Variants in MEF2A observed in about 807,000 individuals in gnomAD.
The protein encoded by MEF2A is myocyte-specific enhancer factor 2A.
Under a neutral mutation model 55.8 loss-of-function variants are expected in MEF2A, and 28 were observed. The observed-to-expected ratio is 0.50, with a 90% CI of 0.37 to 0.69. The LOEUF (loss-of-function observed/expected upper bound fraction) is 0.69. MEF2A is among the 30% of genes least tolerant of loss of function. The probability of loss-of-function intolerance (pLI) is 0.00; values close to 1 mark genes in which losing one functional copy is unlikely to be tolerated. For missense variants in MEF2A, 528 were observed against 626.2 expected (o/e 0.84, Z 1.67); for synonymous variants, 239 against 227.1 (o/e 1.05, Z -0.47).
chr15:99,577,181 A>C (rs1393880704), intron 1 of MEF2A, among the ~76,000 whole-genome samples: 3 of 152,224 alleles, frequency 2.0e-5, no homozygotes, highest in Non-Finnish European at 2.9e-5. Context: ...TTGTTTATGA[A>C]AGTGAAATTA....
intron 10 of MEF2A, among the ~76,000 whole-genome samples, chr15:99,707,609 A>G (rs1202971662): frequency 6.6e-6 from 1 of 152,152 alleles, no homozygotes; most frequent in Non-Finnish European, 1.5e-5. Context: ...TTACCAATCT[A>G]AGAAGGAGTG....
At chr15:99,596,162 A>G (rs1363413233) in intron 1 of MEF2A, among the ~76,000 whole-genome samples, 1 of 152,210 alleles carries the variant, frequency 6.6e-6, no homozygotes, top group African/African-American at 2.4e-5. Flanking sequence ...GTACATTTAT[A>G]TAATTGAGGA....
chr15:99,607,537 A>C (rs1028978342), intron 2 of MEF2A, among the ~76,000 whole-genome samples: 1 of 152,182 alleles, frequency 6.6e-6, no homozygotes, highest in Admixed American at 6.5e-5. Flanking sequence ...AGTAATGATA[A>C]TTCATCTTTT....
chr15:99,651,711 T>C (rs529473356), intron 4 of MEF2A, among the ~76,000 whole-genome samples: 38 of 152,208 alleles, frequency 2.5e-4, no homozygotes, highest in Non-Finnish European at 5.0e-4. Context: ...TTACTACTTT[T>C]ATTTTGCTGT....
chr15:99,645,770 A>G lies in MEF2A; in HGVS notation c.258+6A>G. On this transcript the variant is annotated splice_donor_region_variant and intron_variant, in intron 4 of 11. Transcript: ENST00000557942. The stretch of plus-strand genomic sequence containing the variant: ...CCAACTCGGATATTGTTGAGGTAAC[A>G]CATATCTAGTAATACGTGAATTGCA... 1.3e-6 allele frequency: 2 copies of G among 1,572,648 alleles called. No homozygotes were observed. The highest frequency in any genetic ancestry group is 1.3e-5 in the African/African-American group (1 of 74,168).
chr15:99,608,901 C>CA (rs35786772), intron 2 of MEF2A, among the ~76,000 whole-genome samples: 11,351 of 138,206 alleles, frequency 0.082, 476 homozygotes, highest in East Asian at 0.18. Flanking sequence ...AACTCCGTCT[C>CA]AAAAAAAAAA....
intron 1 of MEF2A, among the ~76,000 whole-genome samples, chr15:99,593,529 T>C (rs1970083230): frequency 6.6e-6 from 1 of 152,206 alleles, no homozygotes; most frequent in Non-Finnish European, 1.5e-5. Context: ...GAATTAAAAA[T>C]ACCCGTTGCA....
At chr15:99,700,096 C>T (rs75586834) in intron 8 of MEF2A, among the ~76,000 whole-genome samples, 42,574 of 137,970 alleles carry the variant, frequency 0.31, 8,326 homozygotes, top group African/African-American at 0.55. Context: ...CTGAGCTCAA[C>T]ATCTGCCCGC....
At chr15:99,617,504 A>T (rs1199812967) in intron 2 of MEF2A, among the ~76,000 whole-genome samples, 1 of 152,196 alleles carries the variant, frequency 6.6e-6, no homozygotes, top group Non-Finnish European at 1.5e-5. Flanking sequence ...AATGATGTAT[A>T]ATCTCCTTGT....
chr15:99,715,504 G>A lies in MEF2A; in HGVS notation c.*2733G>A, dbSNP rs1438267781. On this transcript the variant is annotated 3_prime_UTR_variant, in exon 12 of 12. Transcript: ENST00000557942. ...TTGACTGTTAACCTTTTTCCCATAC[G>A]TCCAGTGTGGCATGGAGCATATGGA... 2.6e-5 allele frequency: 4 copies of A among 152,048 alleles called. No individual in the cohort carries two copies. Among genetic ancestry groups the A allele is most frequent in the South Asian group, 2.1e-4 (1 of 4,822 alleles). 9.4% of individuals were successfully genotyped at this position (152,048 alleles called of 1,614,324 possible). A position where few individuals can be genotyped will look rare whatever the true frequency, so the allele number is the denominator to read the frequency against.
At chr15:99,599,748 C>G (rs547598819) in intron 2 of MEF2A, among the ~76,000 whole-genome samples, 1 of 152,048 alleles carries the variant, frequency 6.6e-6, no homozygotes, top group African/African-American at 2.4e-5. Flanking sequence ...CTTGGTTAGT[C>G]TTCTGTAAAT....
chr15:99,601,859 C>G lies in MEF2A; in HGVS notation c.-143+3348C>G, dbSNP rs10902549. On this transcript the variant is annotated intron_variant, in intron 2 of 11. Coordinates refer to ENST00000557942, the MANE Select transcript of MEF2A (RefSeq NM_001319206.4). ...TGTGTGTGTGTGTGTGTGTGTGTGT[C>G]AGGGTAATGCTGGTCTCAGAATGAG... Among the ~76,000 whole-genome samples, 90 of 38,340 alleles carry G rather than the reference C, an allele frequency of 2.3e-3. 3 individuals are homozygous for G. The highest frequency in any genetic ancestry group is 6.1e-3 in the South Asian group (6 of 990). 25.2% of individuals were successfully genotyped at this position (38,340 alleles called of 152,430 possible).
chr15:99,678,149 ATCTTTT>A (rs1307552128), intron 7 of MEF2A, among the ~76,000 whole-genome samples: 3 of 152,224 alleles, frequency 2.0e-5, no homozygotes, highest in African/African-American at 7.2e-5. Flanking sequence ...TTTCCATTAT[ATCTTTT>A]TCTTTAACCC....
At chr15:99,622,334 A>C (rs2041325236) in intron 2 of MEF2A, among the ~76,000 whole-genome samples, 1 of 152,194 alleles carries the variant, frequency 6.6e-6, no homozygotes, top group Non-Finnish European at 1.5e-5. Context: ...AGATAACATT[A>C]GTTTATGGGA....
At chr15:99,678,121 A>G (rs1406769305) in intron 7 of MEF2A, among the ~76,000 whole-genome samples, 4 of 152,250 alleles carry the variant, frequency 2.6e-5, no homozygotes, top group Non-Finnish European at 5.9e-5. Context: ...CTAATATTCA[A>G]TTCGAAATAT....
intron 1 of MEF2A, among the ~76,000 whole-genome samples, chr15:99,572,360 C>G (rs960120190): frequency 6.6e-6 from 1 of 152,246 alleles, no homozygotes; most frequent in African/African-American, 2.4e-5. Flanking sequence ...TCTCACTTCT[C>G]ACTCAGAGGC....
chr15:99,630,043 CT>C (rs1213512564), intron 2 of MEF2A, among the ~76,000 whole-genome samples: 5 of 149,690 alleles, frequency 3.3e-5, no homozygotes, highest in Admixed American at 3.3e-4. Flanking sequence ...CCTTCTCCCC[CT>C]CTCTCCCCTT....
At chr15:99,590,446 T>C (rs1968878482) in intron 1 of MEF2A, among the ~76,000 whole-genome samples, 1 of 147,916 alleles carries the variant, frequency 6.8e-6, no homozygotes. Flanking sequence ...AGTATGACAG[T>C]CTCTACTGTT....
At chr15:99,677,596 A>G (rs1429009757) in intron 7 of MEF2A, among the ~76,000 whole-genome samples, 1 of 152,200 alleles carries the variant, frequency 6.6e-6, no homozygotes, top group East Asian at 1.9e-4. Context: ...GGACTAGCAT[A>G]CGTTAAATTG....
Sources: gnomAD v4.1 joint callset for allele counts (sites outside exome capture counted in the v4.1 genomes callset) on GRCh38, gnomAD v4.1.1 for gene constraint, MANE v1.5 for transcripts, NCBI Gene and HGNC (gene_info 2026-07-23, HGNC 2026-07-21) for gene names.